Variants in SRGAP1 observed in about 807,000 individuals in gnomAD.
The protein encoded by SRGAP1 is SLIT-ROBO Rho GTPase-activating protein 1.
Under a neutral mutation model 121.9 loss-of-function variants are expected in SRGAP1, and 43 were observed. The ratio of observed to expected loss-of-function variants is 0.35; its 90% CI spans 0.28 to 0.46. SRGAP1 has a LOEUF of 0.46. SRGAP1 is among the 20% of genes least tolerant of loss of function. SRGAP1 has a pLI of 1.00. For synonymous variants in SRGAP1, 447 were observed against 485.4 expected, an observed-to-expected ratio of 0.92 and a Z score of 1.04; for missense variants, 1,102 against 1,350.9, an observed-to-expected ratio of 0.82 and a Z score of 2.89.
rs115771292 is a variant in SRGAP1 at position 64,127,691 on chromosome 12, C to T, written c.2507C>T (p.Pro836Leu). 82 of 1,614,106 alleles carry T rather than the reference C, an allele frequency of 5.1e-5. No homozygotes were observed. Among genetic ancestry groups the T allele is most frequent in the Admixed American group, 6.7e-5 (4 of 60,018 alleles). ...TCCTCATCCAAGGACATGAACTCCC[C>T]GACAGACCGTCATCCTGACGGCTAT... ...DKSSSKDMNS[P>L]TDRHPDGYLA... The change falls in exon 20 of 22, where the codon CCG becomes CTG. Residue 836 changes from proline to leucine, a missense_variant. Around this residue, in one of 3 missense-constraint regions of SRGAP1, gnomAD observed 315 missense variants for 343.1 expected, o/e 0.92. Transcript: ENST00000355086.
Position 64,063,883 on chromosome 12 carries a change from TG to T in SRGAP1, c.1023+746del, listed in dbSNP as rs369264608. Among the ~76,000 whole-genome samples the T allele has an allele frequency of 3.0e-3, 460 of 152,060 alleles. 3 individuals carry two copies. The highest frequency in any genetic ancestry group is 0.01 in the African/African-American group (420 of 41,528). Reference sequence around the variant, plus strand: ...TCATGAAAAGATTTCTTTAATGCTATGTTTTTTTCTGAAACACCAAGTATTA... The same window carrying T: ...TCATGAAAAGATTTCTTTAATGCTATTTTTTTTCTGAAACACCAAGTATTA... On this transcript the variant is annotated intron_variant, in intron 7 of 21. Transcript: ENST00000355086.
At chr12:64,089,334 A>G (rs561889687) in intron 11 of SRGAP1, among the ~76,000 whole-genome samples, 2 of 152,302 alleles carry the variant, frequency 1.3e-5, no homozygotes, top group African/African-American at 4.8e-5. Flanking sequence ...GGGAACCACA[A>G]TAAAGACTCC....
intron 1 of SRGAP1, among the ~76,000 whole-genome samples, chr12:63,930,828 T>C (rs1022680263): frequency 2.6e-5 from 4 of 152,220 alleles, no homozygotes; most frequent in South Asian, 2.1e-4. Context: ...CTTTTGGTTA[T>C]TATTGCAAAG....
At chr12:63,995,157 C>A (rs1476400134) in intron 3 of SRGAP1, among the ~76,000 whole-genome samples, 2 of 152,130 alleles carry the variant, frequency 1.3e-5, no homozygotes, top group African/African-American at 2.4e-5. Flanking sequence ...GTCATTTCCC[C>A]AAAGATTGTT....
At chr12:63,877,420 C>T (rs1030582736) in intron 1 of SRGAP1, among the ~76,000 whole-genome samples, 1 of 152,052 alleles carries the variant, frequency 6.6e-6, no homozygotes, top group Non-Finnish European at 1.5e-5. Flanking sequence ...AAAATATAAT[C>T]TAATAGGAAA....
chr12:63,876,011 T>C lies in SRGAP1; in HGVS notation c.67+31128T>C, dbSNP rs1900018189. The stretch of plus-strand genomic sequence containing the variant: ...TGTGACAGCTTTGCTGAATATAACT[T>C]AAATGTAGCAGAGGAAATCCAGAGT... On this transcript the variant is annotated intron_variant, in intron 1 of 21. Transcript: ENST00000355086. Among the ~76,000 whole-genome samples, 3 of 152,208 alleles carry C rather than the reference T, an allele frequency of 2.0e-5. No homozygotes were observed. In the South Asian group the frequency reaches 6.2e-4, roughly 31 times the overall value.
At chr12:64,092,664 T>C (rs1224384646) in intron 12 of SRGAP1, among the ~76,000 whole-genome samples, 1 of 152,138 alleles carries the variant, frequency 6.6e-6, no homozygotes, top group Non-Finnish European at 1.5e-5. Context: ...AAAATTATTG[T>C]CAAATTTGAT....
intron 18 of SRGAP1, among the ~76,000 whole-genome samples, chr12:64,118,387 A>G (rs944575144): frequency 1.3e-5 from 2 of 151,922 alleles, no homozygotes; most frequent in Non-Finnish European, 1.5e-5. Context: ...CTCCCACCTC[A>G]GCCTCCCAAG....
At chr12:63,929,926 A>G (rs2031407353) in intron 1 of SRGAP1, among the ~76,000 whole-genome samples, 1 of 152,178 alleles carries the variant, frequency 6.6e-6, no homozygotes, top group Non-Finnish European at 1.5e-5. Context: ...TTATGCAGGC[A>G]ACAAACAGAT....
At chr12:64,032,542 G>A in intron 4 of SRGAP1, 1 of 1,147,498 alleles carries the variant, frequency 8.7e-7, no homozygotes. Flanking sequence ...AGTGACCCAA[G>A]GCAGTGCCTT....
chr12:63,866,742 T>G (rs1052869089), intron 1 of SRGAP1, among the ~76,000 whole-genome samples: 1 of 152,014 alleles, frequency 6.6e-6, no homozygotes, highest in Admixed American at 6.5e-5. Flanking sequence ...TTCTTTTTTT[T>G]TTTGCTCAAC....
intron 1 of SRGAP1, among the ~76,000 whole-genome samples, chr12:63,950,880 C>A (rs1193527471): frequency 6.6e-6 from 1 of 151,958 alleles, no homozygotes; most frequent in African/African-American, 2.4e-5. Context: ...GTCCTGAGTC[C>A]CCCACTCCAC....
chr12:63,947,891 T>G (rs1350185248), intron 1 of SRGAP1, among the ~76,000 whole-genome samples: 1 of 152,220 alleles, frequency 6.6e-6, no homozygotes, highest in East Asian at 1.9e-4. Flanking sequence ...TTATCGTCTT[T>G]TACCATTAAG....
intron 1 of SRGAP1, among the ~76,000 whole-genome samples, chr12:63,948,473 C>G (rs1438404510): frequency 1.3e-5 from 2 of 152,152 alleles, no homozygotes; most frequent in Non-Finnish European, 2.9e-5. Flanking sequence ...ACAGTCATCT[C>G]TGTCTTGGGA....
At chr12:63,925,218 G>A (rs992888969) in intron 1 of SRGAP1, among the ~76,000 whole-genome samples, 1 of 152,152 alleles carries the variant, frequency 6.6e-6, no homozygotes, top group Admixed American at 6.5e-5. Context: ...AATCATACCA[G>A]CATTCATATT....
At chr12:64,068,307 C>T (rs2035577972) in intron 8 of SRGAP1, among the ~76,000 whole-genome samples, 1 of 150,600 alleles carries the variant, frequency 6.6e-6, no homozygotes, top group Admixed American at 6.6e-5. Context: ...GTAGTAGGCA[C>T]CACCTGCAAC....
intron 1 of SRGAP1, among the ~76,000 whole-genome samples, chr12:63,924,213 T>C (rs1409760726): frequency 6.6e-6 from 1 of 152,184 alleles, no homozygotes; most frequent in African/African-American, 2.4e-5. Flanking sequence ...ACCTTTGTCT[T>C]CAAATCTTTG....
intron 21 of SRGAP1, among the ~76,000 whole-genome samples, chr12:64,140,915 A>G (rs1348644221): frequency 7.9e-6 from 1 of 125,920 alleles, no homozygotes; most frequent in Admixed American, 8.3e-5. Flanking sequence ...AATGTGGCAC[A>G]TATACACCAT....
chr12:63,844,727 TG>T lies in SRGAP1; in HGVS notation c.-87del. ...GCGCTGCCTCTGGATTGCCTGCGTG[TG>T]GGAGTACAACTCTGCCTCTCCAAGG... On this transcript the variant is annotated 5_prime_UTR_variant, in exon 1 of 22. Coordinates refer to ENST00000355086, the MANE Select transcript of SRGAP1 (RefSeq NM_020762.4). This position sits in a 1 kb window ranked among gnomAD's most constrained non-coding sequence, Gnocchi z 4.3. 7.8e-7 allele frequency: 1 copy of T among 1,286,244 alleles called. No individual in the cohort carries two copies. 79.7% of individuals were successfully genotyped at this position (1,286,244 alleles called of 1,614,324 possible). A position where few individuals can be genotyped will look rare whatever the true frequency, so the allele number is the denominator to read the frequency against.
Sources: gnomAD v4.1 joint callset for allele counts (sites outside exome capture counted in the v4.1 genomes callset) on GRCh38, gnomAD v4.1.1 for gene constraint, gnomAD v4.1.1 regional missense constraint, Gnocchi (gnomAD v3.1) non-coding constraint, MANE v1.5 for transcripts, NCBI Gene and HGNC (gene_info 2026-07-23, HGNC 2026-07-21) for gene names.